The following UROC1 variants were observed in gnomAD, a reference collection of about 807,000 sequenced individuals.
UROC1 encodes the protein urocanate hydratase 1.
UROC1 carries 79 observed loss-of-function variants against 89.5 expected under a neutral mutation model. The observed-to-expected ratio is 0.88, with a 90% CI of 0.74 to 1.06. The LOEUF (loss-of-function observed/expected upper bound fraction) is 1.06, where lower values mean the gene tolerates loss of function less well. Among genes scored for constraint, UROC1 ranks in the 50% least tolerant of loss-of-function variants. The pLI is 0.00. For missense variants in UROC1, 885 were observed against 907.8 expected (o/e 0.97, Z 0.32); for synonymous variants, 361 against 354.8 (o/e 1.02, Z -0.20).
chr3:126,512,679 C>T (rs973436051), intron 1 of UROC1, among the ~76,000 whole-genome samples: 2 of 152,118 alleles, frequency 1.3e-5, no homozygotes, highest in Admixed American at 6.6e-5. Context: ...CCTATGATCA[C>T]GTTGCTGCAC....
chr3:126,489,121 A>G (rs1363423785), intron 17 of UROC1, among the ~76,000 whole-genome samples, 155 bp downstream of exon 17: 1 of 152,212 alleles, frequency 6.6e-6, no homozygotes, highest in Non-Finnish European at 1.5e-5. Context: ...TGGAAGTCCC[A>G]CATCCCAGAC....
At position 126,501,257 on chromosome 3, in the gene UROC1, A is replaced by G. The variant is rs763352174; in HGVS notation, c.926T>C (p.Val309Ala). Residue 309 changes from valine to alanine, a missense_variant, in exon 10 of 20, where the codon GTG becomes GCG. Val to Ala is a moderately conservative substitution (Grantham distance 64, BLOSUM62 0). Transcript: ENST00000290868. ...GTTGCCATGGTAACCAAGGCTGAGCACCTCCTTTTTTTTCCTTGCTTCCCT... is the reference window on the plus strand; with the variant it reads ...GTTGCCATGGTAACCAAGGCTGAGCGCCTCCTTTTTTTTCCTTGCTTCCCT... ...RLREARKKKEVLSLGYHGNVV... is the reference protein window; with the variant it reads ...RLREARKKKEALSLGYHGNVV... 5.6e-6 allele frequency: 9 copies of G among 1,613,752 alleles called. No homozygotes were observed. The highest frequency in any genetic ancestry group is 6.8e-6 in the Non-Finnish European group (8 of 1,179,972).
Position 126,505,688 on chromosome 3 carries a change from C to T in UROC1, c.813+13G>A, listed in dbSNP as rs760631891. ...GGCAGGCAGGAGCGAAGGCCAGGAGCCCCCCAGCTTACCTCTGCTATCACA... is the reference window on the plus strand; with the variant it reads ...GGCAGGCAGGAGCGAAGGCCAGGAGTCCCCCAGCTTACCTCTGCTATCACA... On this transcript the variant is annotated intron_variant, in intron 8 of 19. Transcript: ENST00000290868. 7.4e-6 allele frequency: 12 copies of T among 1,613,016 alleles called. No individual in the cohort carries two copies. In the African/African-American group the frequency reaches 1.5e-4, roughly 20 times the overall value.
chr3:126,507,935 G>C (rs759308143), intron 5 of UROC1, 32 bp downstream of exon 5: 1 of 1,613,666 alleles, frequency 6.2e-7, no homozygotes, highest in Non-Finnish European at 8.5e-7. Flanking sequence ...TGGAGCCCTG[G>C]GCAGGTGCTG....
chr3:126,491,747 C>T (rs529128689), intron 16 of UROC1, among the ~76,000 whole-genome samples: 35 of 152,292 alleles, frequency 2.3e-4, no homozygotes, highest in African/African-American at 7.2e-4. Flanking sequence ...ACGGGCTTGG[C>T]GATTGGCAAA....
Position 126,500,076 on chromosome 3 carries a change from G to C in UROC1, c.1224C>G (p.Leu408=), listed in dbSNP as rs1164743178. 6 of 1,613,500 alleles carry C rather than the reference G, an allele frequency of 3.7e-6. No individual in the cohort carries two copies. Among genetic ancestry groups the C allele is most frequent in the Non-Finnish European group, 5.1e-6 (6 of 1,179,984 alleles). ...FFFWDYGNAF[L]LEAQRAGADV... Reference sequence around the variant, plus strand: ...TCCTACCTGCTCTCTGGGCCTCCAAGAGGAAGGCATTGCCGTAGTCCCAGA... The same window carrying C: ...TCCTACCTGCTCTCTGGGCCTCCAACAGGAAGGCATTGCCGTAGTCCCAGA... The change falls in exon 12 of 20, where the codon CTC becomes CTG. Residue 408 remains leucine, a synonymous_variant. Coordinates refer to ENST00000290868, the MANE Select transcript of UROC1 (RefSeq NM_144639.3).
chr3:126,517,492 G>A (rs1936354621), intron 1 of UROC1, 102 bp downstream of exon 1: 2 of 1,576,820 alleles, frequency 1.3e-6, no homozygotes, highest in South Asian at 1.1e-5. Context: ...GTGGGCGGCT[G>A]AGCAGCTCCC....
At chr3:126,498,282 A>G (rs1935831416) in intron 13 of UROC1, 110 bp from the exon 14 acceptor site, 9 of 1,584,470 alleles carry the variant, frequency 5.7e-6, no homozygotes, top group Non-Finnish European at 6.9e-6. Context: ...TCAGGTGTGG[A>G]ACCCCCTAAG....
rs758142397 is a variant in UROC1, at chr3:126,510,806, G to A, written c.127-12C>T. 1.4e-5 allele frequency: 23 copies of A among 1,611,562 alleles called. No homozygotes were observed. The highest frequency in any genetic ancestry group is 1.9e-5 in the Non-Finnish European group (22 of 1,179,766). ...TTCCTCAGCGCCAGCTGGGGTAGGA[G>A]AGCGGAGAGGCAGTCGGGGCTGGGA... On this transcript the variant is annotated splice_polypyrimidine_tract_variant and intron_variant, in intron 1 of 19. Coordinates refer to ENST00000290868, the MANE Select transcript of UROC1 (RefSeq NM_144639.3).
intron 17 of UROC1, 27 bp downstream of exon 17, chr3:126,489,249 A>G: frequency 1.3e-6 from 2 of 1,575,616 alleles, no homozygotes; most frequent in Non-Finnish European, 8.7e-7. Flanking sequence ...CTAAGATGAA[A>G]GTTTAAGACA....
Position 126,517,734 on chromosome 3 carries a change from G to T in UROC1, c.-15C>A. The T allele has an allele frequency of 6.4e-7, 1 of 1,562,266 alleles. No individual in the cohort carries two copies. The highest frequency in any genetic ancestry group is 8.7e-7 in the Non-Finnish European group (1 of 1,153,894). On this transcript the variant is annotated 5_prime_UTR_variant, in exon 1 of 20. Coordinates refer to ENST00000290868, the MANE Select transcript of UROC1 (RefSeq NM_144639.3). ...AGGCTAGACATGTGTGACTGAGATG[G>T]AGGCAGAGGCCAGCACTGTGGGGAG... is the stretch of plus-strand genomic sequence containing the variant.
intron 1 of UROC1, among the ~76,000 whole-genome samples, chr3:126,512,412 T>A (rs1175420430): frequency 6.6e-6 from 1 of 152,236 alleles, no homozygotes; most frequent in Non-Finnish European, 1.5e-5. Flanking sequence ...GCTCCCAGGA[T>A]TTTTATATGT....
At chr3:126,507,829 G>A in intron 5 of UROC1, 26 bp from the exon 6 acceptor site, 1 of 1,614,032 alleles carries the variant, frequency 6.2e-7, no homozygotes, top group Non-Finnish European at 8.5e-7. Flanking sequence ...GGGGCAGACA[G>A]AGGGGCTGAG....
chr3:126,510,694 A>G lies in UROC1; in HGVS notation c.227T>C (p.Met76Thr), dbSNP rs747433719. Reference protein sequence around the residue: ...QELQLYGHIYMYRFCPDIEMR... With the variant: ...QELQLYGHIYTYRFCPDIEMR... The stretch of plus-strand genomic sequence containing the variant: ...TTCAATGTCGGGGCAAAACCGGTAC[A>G]TGTAGATGTGTCCGTACAGTTGCAG... The change falls in exon 2 of 20, where the codon ATG (methionine) becomes ACG (threonine). Residue 76 changes from methionine to threonine, a missense_variant. Met to Thr is a moderately conservative substitution (Grantham distance 81). Coordinates refer to ENST00000290868, the MANE Select transcript of UROC1 (RefSeq NM_144639.3). The G allele has an allele frequency of 2.5e-6, 4 of 1,614,182 alleles. No homozygotes were observed. Among genetic ancestry groups the G allele is most frequent in the Non-Finnish European group, 3.4e-6 (4 of 1,180,040 alleles).
chr3:126,485,095 T>TG (rs1935482156), intron 18 of UROC1, among the ~76,000 whole-genome samples: 3 of 152,242 alleles, frequency 2.0e-5, no homozygotes. Flanking sequence ...CAAATGGTGT[T>TG]GGAACAACTA....
In UROC1 at chr3:126,499,387, A is replaced by T; in HGVS notation, c.1266T>A (p.Gly422=). ...GGTAGCGGAACTCTGTCCTGCCAGC[A>T]CCTTTCTTCTCCACATCCGCTCCTG... ...QRAGADVEKK[G]AGRTEFRYPS... Residue 422 remains glycine, a synonymous_variant, in exon 13 of 20, where the codon GGT becomes GGA. Coordinates refer to ENST00000290868, the MANE Select transcript of UROC1 (RefSeq NM_144639.3). 3 of 1,612,534 alleles carry T rather than the reference A, an allele frequency of 1.9e-6. No homozygotes were observed. The highest frequency in any genetic ancestry group is 1.6e-4 in the Middle Eastern group (1 of 6,062).
rs764047414 is a variant in UROC1, at chr3:126,503,386, T to C, written c.902+609A>G. ...CTGGGCAGTAAATTAATTGAGAGGA[T>C]GCTTCAAAAGTGGCATCCGAGCAGG... On this transcript the variant is annotated intron_variant, in intron 9 of 19. Transcript: ENST00000290868. 2.6e-5 allele frequency among the ~76,000 whole-genome samples: 4 copies of C among 152,230 alleles called. 1 individual carries two copies. Among genetic ancestry groups the C allele is most frequent in the Non-Finnish European group, 5.9e-5 (4 of 68,040 alleles).
chr3:126,517,348 G>A (rs1217514933), intron 1 of UROC1, among the ~76,000 whole-genome samples: 1 of 152,210 alleles, frequency 6.6e-6, no homozygotes, highest in Non-Finnish European at 1.5e-5. Flanking sequence ...ACCAGTGACC[G>A]GCTGCTGACC....
Position 126,481,831 on chromosome 3 carries a change from A to G in UROC1, c.*514T>C, listed in dbSNP as rs1360509589. 2 of 164,376 alleles carry G rather than the reference A, an allele frequency of 1.2e-5. No individual in the cohort carries two copies. The highest frequency in any genetic ancestry group is 4.8e-5 in the African/African-American group (2 of 41,672). 10.2% of individuals were successfully genotyped at this position (164,376 alleles called of 1,614,324 possible). On this transcript the variant is annotated 3_prime_UTR_variant, in exon 20 of 20. Transcript: ENST00000290868. ...AGGGCAGACCCGGCCTGCCCGTCCC[A>G]CCAGCCCACAGTGCAGCACACAGCT...
Sources: gnomAD v4.1 joint callset for allele counts (sites outside exome capture counted in the v4.1 genomes callset) on GRCh38, gnomAD v4.1.1 for gene constraint, MANE v1.5 for transcripts, NCBI Gene and HGNC (gene_info 2026-07-23, HGNC 2026-07-21) for gene names.